Variants in SH2D7 observed in about 807,000 individuals in gnomAD.
SH2D7 encodes SH2 domain containing 7.
SH2D7 carries 32 observed loss-of-function variants against 40.8 expected under a neutral mutation model. That is an observed-to-expected ratio of 0.78 (90% CI 0.59 to 1.05). The LOEUF is 1.05. Ranked by LOEUF, SH2D7 falls within the 50% of genes least tolerant of loss-of-function variation. The pLI is 0.00. For missense variants in SH2D7, 559 were observed against 566.6 expected (o/e 0.99, Z 0.14); for synonymous variants, 195 against 221.5 (o/e 0.88, Z 1.06).
upstream of SH2D7, among the ~76,000 whole-genome samples, chr15:78,092,407 G>A (rs2073944766): frequency 6.6e-6 from 1 of 152,172 alleles, no homozygotes; most frequent in Non-Finnish European, 1.5e-5. Flanking sequence ...CAGCCAAGGT[G>A]CCCCACCCCA....
Position 78,103,761 on chromosome 15 carries a change from G to A in SH2D7, c.*246G>A. On this transcript the variant is annotated 3_prime_UTR_variant, in exon 6 of 6. Transcript: ENST00000328828. ...TGTGCCTCCCATCCATGCACAGGAG[G>A]GACTGGAGAGGAATGAGATTGGCCA... 1.9e-6 allele frequency: 1 copy of A among 516,124 alleles called. No homozygotes were observed. Among genetic ancestry groups the A allele is most frequent in the African/African-American group, 1.9e-5 (1 of 51,998 alleles). 32.0% of individuals were successfully genotyped at this position (516,124 alleles called of 1,614,324 possible). A position where few individuals can be genotyped will look rare whatever the true frequency, so the allele number is the denominator to read the frequency against.
chr15:78,091,413 G>A (rs1250430943), upstream of SH2D7: 1 of 152,158 alleles, frequency 6.6e-6, no homozygotes, highest in East Asian at 1.9e-4. Context: ...CCATTTTACA[G>A]ATGAGGAAAT....
rs567757357 is a variant in SH2D7 at position 78,096,139 on chromosome 15, A to G, written c.267-1790A>G. ...ATTACAGGCGTGAGCCACTGCACCT[A>G]GCCAAAATTAAGAATTTTTATAATT... On this transcript the variant is annotated intron_variant, in intron 2 of 5. Transcript: ENST00000328828. 4.6e-5 allele frequency among the ~76,000 whole-genome samples: 7 copies of G among 152,104 alleles called. No homozygotes were observed. The East Asian group carries it at 1.4e-3, about 30-fold the overall frequency.
chr15:78,102,745 C>T (rs1371655590), intron 5 of SH2D7, among the ~76,000 whole-genome samples: 1 of 149,722 alleles, frequency 6.7e-6, no homozygotes, highest in Non-Finnish European at 1.5e-5. Flanking sequence ...AGGAGTGGGG[C>T]TGGTTCAGGG....
intron 4 of SH2D7, among the ~76,000 whole-genome samples, chr15:78,100,113 C>T (rs749532818): frequency 5.9e-5 from 9 of 152,358 alleles, no homozygotes; most frequent in Non-Finnish European, 1.0e-4. Flanking sequence ...TGCTACACAG[C>T]GCAGCAGTAG....
intron 2 of SH2D7, 67 bp from the exon 3 acceptor site, chr15:78,097,862 C>T: frequency 1.3e-6 from 2 of 1,576,304 alleles, no homozygotes; most frequent in East Asian, 2.2e-5. Context: ...GCACAGAGCT[C>T]AGACCCTGGG....
At chr15:78,093,041 C>G (rs1019144319) in intron 1 of SH2D7, among the ~76,000 whole-genome samples, 2 of 152,230 alleles carry the variant, frequency 1.3e-5, no homozygotes, top group Admixed American at 6.5e-5. Flanking sequence ...CAGGCCCTGA[C>G]TTGATGAGTA....
chr15:78,098,100 C>T lies in SH2D7; in HGVS notation c.432+6C>T, dbSNP rs768001471. 20 of 1,601,554 alleles carry T rather than the reference C, an allele frequency of 1.2e-5. No homozygotes were observed. The highest frequency in any genetic ancestry group is 2.2e-5 in the South Asian group (2 of 89,506). On this transcript the variant is annotated splice_donor_region_variant and intron_variant, in intron 3 of 5. Coordinates refer to ENST00000328828, the MANE Select transcript of SH2D7 (RefSeq NM_001101404.2). ...TGACTGCTGCCTGCCCCCGGGTAGG[C>T]GCCCCACTTCCCCAGGGTGAGGGTG...
At chr15:78,095,066 C>T (rs2073962520) in intron 2 of SH2D7, among the ~76,000 whole-genome samples, 1 of 152,186 alleles carries the variant, frequency 6.6e-6, no homozygotes, top group South Asian at 2.1e-4. Context: ...ATTCAGACTG[C>T]CCCAGTTCAA....
chr15:78,091,768 A>G (rs1312408210), upstream of SH2D7, among the ~76,000 whole-genome samples: 2 of 152,056 alleles, frequency 1.3e-5, no homozygotes, highest in African/African-American at 2.4e-5. Flanking sequence ...TTTTCTTCAA[A>G]ATCTGCAACA....
chr15:78,098,136 G>A, intron 3 of SH2D7, 42 bp downstream of exon 3: 4 of 1,559,522 alleles, frequency 2.6e-6, no homozygotes, highest in Non-Finnish European at 2.6e-6. Context: ...GCAGGGCAGA[G>A]AGCCCAGGCC....
Position 78,103,499 on chromosome 15 carries a change from G to C in SH2D7, c.1340G>C (p.Arg447Thr). ...DKLRRLFFTYRKHKF is the reference protein window; with the variant it reads ...DKLRRLFFTYTKHKF ...CTTCGGAGGCTCTTCTTCACGTACA[G>C]GAAGCACAAATTCTGAGGGCCTGGC... Residue 447 changes from arginine (R) to threonine (T), a missense_variant, in exon 6 of 6, where the codon AGG becomes ACG. Physicochemically the swap from Arg to Thr is moderately conservative, Grantham distance 71. Transcript: ENST00000328828. 6.4e-7 allele frequency: 1 copy of C among 1,565,170 alleles called. No individual in the cohort carries two copies.
At position 78,101,450 on chromosome 15, in the gene SH2D7, G is replaced by A. The variant is rs1449359434; in HGVS notation, c.1197G>A (p.Trp399Ter). 3 of 1,613,272 alleles carry A rather than the reference G, an allele frequency of 1.9e-6. No individual in the cohort carries two copies. The South Asian group carries it at 3.3e-5, about 18-fold the overall frequency. Residue 399 changes from tryptophan to a stop codon, truncating the protein, a stop_gained, in exon 5 of 6, where the codon TGG becomes TGA. Coordinates refer to ENST00000328828, the MANE Select transcript of SH2D7 (RefSeq NM_001101404.2). LOFTEE classifies it high-confidence loss of function. ...HPGASPTYSPWVHGYKRISGT... is the reference protein window; with the variant it reads ...HPGASPTYSP ...GGGCCAGTCCCACATATAGCCCATGGGTCCATGGCTACAAGAGGATCTCAG... is the reference window on the plus strand; with the variant it reads ...GGGCCAGTCCCACATATAGCCCATGAGTCCATGGCTACAAGAGGATCTCAG...
chr15:78,091,247 C>T (rs947411551), upstream of SH2D7: 31 of 152,272 alleles, frequency 2.0e-4, no homozygotes, highest in African/African-American at 7.5e-4. Flanking sequence ...GGGCTTTAAG[C>T]AGGGGAAATG....
Position 78,101,564 on chromosome 15 carries a change from C to A in SH2D7, c.1305+6C>A. ...AGACTGGACGGACACACAAGGTGAG[C>A]TCCATGATGGGGTGGGGCGGCTCCC... On this transcript the variant is annotated splice_donor_region_variant and intron_variant, in intron 5 of 5. Coordinates refer to ENST00000328828, the MANE Select transcript of SH2D7 (RefSeq NM_001101404.2). 1 of 1,566,440 alleles carries A rather than the reference C, an allele frequency of 6.4e-7. No homozygotes were observed. The highest frequency in any genetic ancestry group is 8.6e-7 in the Non-Finnish European group (1 of 1,158,268).
chr15:78,092,233 G>C (rs2141867855), upstream of SH2D7, among the ~76,000 whole-genome samples: 1 of 152,344 alleles, frequency 6.6e-6, no homozygotes. Context: ...GGGCAGTGCT[G>C]TGGACTTTTG....
intron 1 of SH2D7, among the ~76,000 whole-genome samples, chr15:78,093,316 C>T (rs1485365377): frequency 1.3e-5 from 2 of 152,194 alleles, no homozygotes; most frequent in Non-Finnish European, 2.9e-5. Context: ...GTCACTGACT[C>T]GTGCAGCAGC....
chr15:78,092,760 A>G lies in SH2D7; in HGVS notation c.176A>G (p.Lys59Arg). The G allele has an allele frequency of 4.4e-6, 7 of 1,606,804 alleles. No individual in the cohort carries two copies. Among genetic ancestry groups the G allele is most frequent in the Non-Finnish European group, 6.0e-6 (7 of 1,175,740 alleles). The change falls in exon 1 of 6, where the codon AAG becomes AGG. Residue 59 changes from lysine (K) to arginine (R), a missense_variant and splice_region_variant. Transcript: ENST00000328828. ...PPWFHGFITRKQTEQLLRDKA... is the reference protein window; with the variant it reads ...PPWFHGFITRRQTEQLLRDKA... ...TGGTTTCATGGATTCATCACCCGCA[A>G]GTAAGGCTGCTTCTACCCACAGGTC...
At chr15:78,093,282 C>A (rs546115971) in intron 1 of SH2D7, among the ~76,000 whole-genome samples, 1 of 152,322 alleles carries the variant, frequency 6.6e-6, no homozygotes, top group East Asian at 1.9e-4. Context: ...ACAGCACCTG[C>A]ACAGAGCCAG....
Sources: gnomAD v4.1 joint callset for allele counts (sites outside exome capture counted in the v4.1 genomes callset) on GRCh38, gnomAD v4.1.1 for gene constraint, MANE v1.5 for transcripts, NCBI Gene and HGNC (gene_info 2026-07-23, HGNC 2026-07-21) for gene names.